PDCD11: variants seen among roughly 807,000 people sequenced by gnomAD.
The protein encoded by PDCD11 is programmed cell death 11.
A neutral mutation model predicts 198.9 loss-of-function variants in PDCD11; 97 were observed. That is an observed-to-expected ratio of 0.49 (90% confidence interval 0.41 to 0.58). PDCD11 has a LOEUF of 0.58. Ranked by LOEUF, PDCD11 falls within the 20% of genes least tolerant of loss-of-function variation. The pLI is 0.00. For missense variants in PDCD11, 2,102 were observed against 2,312.7 expected, an observed-to-expected ratio of 0.91 and a Z score of 1.87; for synonymous variants, 893 against 918.0, an observed-to-expected ratio of 0.97 and a Z score of 0.49.
At position 103,421,488 on chromosome 10, in the gene PDCD11, C is replaced by G; in HGVS notation, c.2418C>G (p.Asp806Glu). 1 of 1,597,058 alleles carries G rather than the reference C, an allele frequency of 6.3e-7. No individual in the cohort carries two copies. The highest frequency in any genetic ancestry group is 8.5e-7 in the Non-Finnish European group (1 of 1,171,722). ...SLRLSDCGLG[D>E]LAITSLLLLN... ...GGCTGTCGGACTGTGGTCTGGGGGA[C>G]TTGGCTATCACCAGCCTCCTCCTCC... The change falls in exon 17 of 36, where the codon GAC (aspartate) becomes GAG (glutamate). Residue 806 changes from aspartate to glutamate, a missense_variant. Physicochemically the swap from Asp to Glu is conservative, Grantham distance 45. Coordinates refer to ENST00000369797, the MANE Select transcript of PDCD11 (RefSeq NM_014976.2).
intron 7 of PDCD11, among the ~76,000 whole-genome samples, chr10:103,409,493 T>TGA (rs937819578): frequency 1.3e-5 from 2 of 151,946 alleles, no homozygotes; most frequent in Non-Finnish European, 2.9e-5. Context: ...GGAAGGGAGG[T>TGA]GAGCCTACTA....
chr10:103,406,976 A>C (rs1191481820), intron 7 of PDCD11, among the ~76,000 whole-genome samples, 186 bp downstream of exon 7: 1 of 152,220 alleles, frequency 6.6e-6, no homozygotes, highest in Admixed American at 6.5e-5. Context: ...AGGTTAAAAA[A>C]CTATACTAAA....
chr10:103,414,287 A>T lies in PDCD11; in HGVS notation c.1328A>T (p.Gln443Leu). 1 of 1,613,608 alleles carries T rather than the reference A, an allele frequency of 6.2e-7. No homozygotes were observed. The highest frequency in any genetic ancestry group is 1.1e-5 in the South Asian group (1 of 91,070). Reference sequence around the variant, plus strand: ...TGTCCTAGGTCTATTATTGAAGCTCAGTACCTTAGATATCATGACATCGAA... The same window carrying T: ...TGTCCTAGGTCTATTATTGAAGCTCTGTACCTTAGATATCATGACATCGAA... ...LSLRTSIIEA[Q>L]YLRYHDIEPG... The change falls in exon 11 of 36, where the codon CAG becomes CTG. Residue 443 changes from glutamine to leucine, a missense_variant. Physicochemically the swap from Gln to Leu is moderately radical, Grantham distance 113. Coordinates refer to ENST00000369797, the MANE Select transcript of PDCD11 (RefSeq NM_014976.2).
At chr10:103,424,929 G>A (rs2031615462) in intron 19 of PDCD11, 55 bp from the exon 20 acceptor site, 36 of 1,586,340 alleles carry the variant, frequency 2.3e-5, no homozygotes, top group Non-Finnish European at 3.0e-5. Flanking sequence ...GGGGCCATGA[G>A]TGAGTGACCA....
In PDCD11 at chr10:103,441,382, C is replaced by T. The variant is rs536513304; in HGVS notation, c.4558-444C>T. On this transcript the variant is annotated intron_variant, in intron 30 of 35. Transcript: ENST00000369797. ...AAGCAATTCTCATGACTCAGCCTCCCGAGTAGCTGAGACTGCCGGTATGCA... is the reference window on the plus strand; with the variant it reads ...AAGCAATTCTCATGACTCAGCCTCCTGAGTAGCTGAGACTGCCGGTATGCA... 1.1e-3 allele frequency among the ~76,000 whole-genome samples: 167 copies of T among 152,262 alleles called. 1 individual carries two copies. Among genetic ancestry groups the T allele is most frequent in the African/African-American group, 3.5e-3 (144 of 41,534 alleles).
intron 23 of PDCD11, 32 bp downstream of exon 23, chr10:103,434,069 C>CTTGGGTCCCCTCT: frequency 6.5e-7 from 1 of 1,546,212 alleles, no homozygotes; most frequent in Non-Finnish European, 8.9e-7. Context: ...GGAGAGGGGA[C>CTTGGGTCCCCTCT]CCAAGTTCCC....
Position 103,414,282 on chromosome 10 carries a change from A to G in PDCD11, c.1323A>G (p.Glu441=). 3.1e-6 allele frequency: 5 copies of G among 1,613,684 alleles called. No individual in the cohort carries two copies. The highest frequency in any genetic ancestry group is 4.2e-6 in the Non-Finnish European group (5 of 1,179,644). The change falls in exon 11 of 36, where the codon GAA becomes GAG. Residue 441 remains glutamate, a synonymous_variant. Coordinates refer to ENST00000369797, the MANE Select transcript of PDCD11 (RefSeq NM_014976.2). ...ALLSLRTSII[E]AQYLRYHDIE... ...CTCCTTGTCCTAGGTCTATTATTGA[A>G]GCTCAGTACCTTAGATATCATGACA...
chr10:103,407,500 T>G (rs2030531081), intron 7 of PDCD11, among the ~76,000 whole-genome samples: 2 of 151,824 alleles, frequency 1.3e-5, no homozygotes, highest in South Asian at 4.2e-4. Flanking sequence ...GAGGTGGAGC[T>G]TGCAGTGAGC....
At chr10:103,415,349 A>G (rs2031046283) in intron 12 of PDCD11, among the ~76,000 whole-genome samples, 198 bp downstream of exon 12, 1 of 152,180 alleles carries the variant, frequency 6.6e-6, no homozygotes, top group African/African-American at 2.4e-5. Context: ...ATACGTGATG[A>G]GAGAGCAAGC....
In PDCD11 at chr10:103,423,021, C is replaced by A; in HGVS notation, c.2531C>A (p.Thr844Asn). Reference sequence around the variant, plus strand: ...TTGATCCAGACGCTGGCCGAGATGACCCCAGGAATGTTCCTTGACCTAGTG... The same window carrying A: ...TTGATCCAGACGCTGGCCGAGATGAACCCAGGAATGTTCCTTGACCTAGTG... ...SVLIQTLAEM[T>N]PGMFLDLVVQ... Residue 844 changes from threonine to asparagine, a missense_variant, in exon 18 of 36, where the codon ACC becomes AAC. Coordinates refer to ENST00000369797, the MANE Select transcript of PDCD11 (RefSeq NM_014976.2). The A allele has an allele frequency of 6.3e-7, 1 of 1,595,594 alleles. No homozygotes were observed. The highest frequency in any genetic ancestry group is 8.5e-7 in the Non-Finnish European group (1 of 1,170,808).
At chr10:103,438,131 G>C in intron 26 of PDCD11, 60 bp downstream of exon 26, 1 of 1,394,604 alleles carries the variant, frequency 7.2e-7, no homozygotes, top group Middle Eastern at 1.8e-4. Flanking sequence ...TCAAGGGGAG[G>C]CTACGTGTAT....
At position 103,405,186 on chromosome 10, in the gene PDCD11, AG is replaced by A; in HGVS notation, c.564+5del. ...CTGAGGCCCTGAAGCCTGGCATGGTAGGTGTCTAGGGTCGGGGAGGAAGAGT... is the reference window on the plus strand; with the variant it reads ...CTGAGGCCCTGAAGCCTGGCATGGTAGTGTCTAGGGTCGGGGAGGAAGAGT... On this transcript the variant is annotated splice_donor_region_variant and intron_variant, in intron 5 of 35. Coordinates refer to ENST00000369797, the MANE Select transcript of PDCD11 (RefSeq NM_014976.2). The A allele has an allele frequency of 6.2e-7, 1 of 1,612,756 alleles. No homozygotes were observed. Among genetic ancestry groups the A allele is most frequent in the Non-Finnish European group, 8.5e-7 (1 of 1,179,690 alleles).
intron 21 of PDCD11, among the ~76,000 whole-genome samples, chr10:103,429,986 T>G (rs899906357): frequency 2.6e-5 from 4 of 152,238 alleles, no homozygotes; most frequent in South Asian, 4.1e-4. Context: ...GTCCTGTCTT[T>G]TCTTTTCTTT....
intron 25 of PDCD11, among the ~76,000 whole-genome samples, chr10:103,437,636 C>A (rs940509954): frequency 6.6e-6 from 1 of 152,056 alleles, no homozygotes; most frequent in South Asian, 2.1e-4. Context: ...TACAGGCGCC[C>A]GCCACCACGC....
intron 13 of PDCD11, among the ~76,000 whole-genome samples, chr10:103,417,135 G>A (rs1442250896): frequency 1.3e-5 from 2 of 151,806 alleles, no homozygotes; most frequent in African/African-American, 4.8e-5. Flanking sequence ...GATAATAATT[G>A]TACATATTTA....
chr10:103,437,318 T>C (rs1412251611), intron 25 of PDCD11, among the ~76,000 whole-genome samples: 1 of 151,886 alleles, frequency 6.6e-6, no homozygotes, highest in African/African-American at 2.4e-5. Flanking sequence ...TTTAAAAAAG[T>C]TTTTTTATAG....
At chr10:103,435,148 TTCTA>T (rs2032099094) in intron 25 of PDCD11, among the ~76,000 whole-genome samples, 173 bp downstream of exon 25, 1 of 152,198 alleles carries the variant, frequency 6.6e-6, no homozygotes, top group Admixed American at 6.5e-5. Context: ...GTACTTTGAT[TTCTA>T]TCTTTCTAGA....
At chr10:103,443,039 T>G in intron 32 of PDCD11, 126 bp from the exon 33 acceptor site, 20 of 729,522 alleles carry the variant, frequency 2.7e-5, no homozygotes, top group Non-Finnish European at 3.5e-5. Context: ...AGGGTCTACA[T>G]TTGGGGTGGG....
chr10:103,432,084 T>C, intron 21 of PDCD11, 45 bp from the exon 22 acceptor site: 1 of 1,435,184 alleles, frequency 7.0e-7, no homozygotes. Flanking sequence ...CTGGAAGTCT[T>C]ATCCAGAGAT....
Sources: gnomAD v4.1 joint callset for allele counts (sites outside exome capture counted in the v4.1 genomes callset) on GRCh38, gnomAD v4.1.1 for gene constraint, MANE v1.5 for transcripts, NCBI Gene and HGNC (gene_info 2026-07-23, HGNC 2026-07-21) for gene names.